SLC28A1: variants seen among roughly 807,000 people sequenced by gnomAD.
The protein encoded by SLC28A1 is sodium/nucleoside cotransporter 1.
In SLC28A1, 64 loss-of-function variants were observed where a neutral mutation model predicts 74.8. The observed-to-expected ratio is 0.86, with a 90% CI of 0.70 to 1.05. The LOEUF (loss-of-function observed/expected upper bound fraction) is 1.05. SLC28A1 is among the 50% of genes least tolerant of loss of function. The pLI is 0.00. For missense variants in SLC28A1, 828 were observed against 822.8 expected (o/e 1.01, Z -0.08); for synonymous variants, 359 against 335.0 (o/e 1.07, Z -0.78).
the SLC28A1 span, among the ~76,000 whole-genome samples, chr15:84,954,579 G>A: frequency 6.6e-6 from 1 of 152,088 alleles, no homozygotes; most frequent in Non-Finnish European, 1.5e-5. Context: ...TACCAACAAG[G>A]CAACTGAGAC....
chr15:84,897,131 C>G (rs1966086817), intron 6 of SLC28A1, among the ~76,000 whole-genome samples: 1 of 151,228 alleles, frequency 6.6e-6, no homozygotes, highest in African/African-American at 2.4e-5. Context: ...AATCCCAGCA[C>G]TTTGGGAGGC....
At chr15:84,889,330 C>T (rs1295227965) in intron 4 of SLC28A1, among the ~76,000 whole-genome samples, 3 of 152,330 alleles carry the variant, frequency 2.0e-5, no homozygotes, top group East Asian at 3.9e-4. Flanking sequence ...AGAACTCCAC[C>T]TCCTGATGCC....
chr15:84,911,657 T>A (rs1406904580), intron 9 of SLC28A1, among the ~76,000 whole-genome samples: 1 of 151,586 alleles, frequency 6.6e-6, no homozygotes, highest in African/African-American at 2.4e-5. Flanking sequence ...AGTTCAGGAG[T>A]TCGAGACCAG....
At chr15:84,918,053 T>A (rs1361725027) in intron 9 of SLC28A1, among the ~76,000 whole-genome samples, 1 of 152,042 alleles carries the variant, frequency 6.6e-6, no homozygotes, top group Admixed American at 6.6e-5. Context: ...AGCACCAAAA[T>A]GATGAGGGTC....
chr15:84,935,611 C>T, intron 15 of SLC28A1, 93 bp downstream of exon 15: 3 of 1,059,558 alleles, frequency 2.8e-6, no homozygotes, highest in Admixed American at 3.5e-5. Context: ...CTCCCTGGGC[C>T]TGGCTGAGAC....
At chr15:84,943,242 G>C (rs1038863454) in intron 15 of SLC28A1, among the ~76,000 whole-genome samples, 1 of 152,096 alleles carries the variant, frequency 6.6e-6, no homozygotes, top group South Asian at 2.1e-4. Context: ...AGATAAGAGA[G>C]GGGGGCTATG....
chr15:84,962,090 TTA>T, the SLC28A1 span, among the ~76,000 whole-genome samples: 1 of 152,130 alleles, frequency 6.6e-6, no homozygotes, highest in African/African-American at 2.4e-5. Context: ...TTAATTATTT[TTA>T]GAGACAGGGT....
downstream of SLC28A1, among the ~76,000 whole-genome samples, chr15:84,946,788 G>A (rs1012122712): frequency 2.6e-5 from 4 of 152,096 alleles, no homozygotes; most frequent in East Asian, 7.8e-4. Flanking sequence ...TCCCTCCCCT[G>A]CCTTCATTTC....
chr15:84,954,073 G>A, the SLC28A1 span, among the ~76,000 whole-genome samples: 1 of 152,202 alleles, frequency 6.6e-6, no homozygotes, highest in African/African-American at 2.4e-5. Flanking sequence ...AAAATCATGG[G>A]TTCATATATT....
In SLC28A1 at chr15:84,935,066, G is replaced by A. The variant is rs763597859; in HGVS notation, c.1255G>A (p.Ala419Thr). 129 of 1,613,886 alleles carry A rather than the reference G, an allele frequency of 8.0e-5. 1 individual carries two copies. Among genetic ancestry groups the A allele is most frequent in the Non-Finnish European group, 1.0e-4 (118 of 1,179,880 alleles). The change falls in exon 14 of 19, where the codon GCC becomes ACC. Residue 419 changes from alanine to threonine, a missense_variant. By Grantham distance (58) the Ala-to-Thr change is moderately conservative. Transcript: ENST00000394573. The stretch of plus-strand genomic sequence containing the variant: ...CATAGAAGCAGCCAGCACTGGGGCC[G>A]CCATCTCCGTGAAGGTGGTCGCCAA... ...NLIEAASTGA[A>T]ISVKVVANIA...
chr15:84,919,283 C>CA (rs1969520011), intron 10 of SLC28A1, among the ~76,000 whole-genome samples: 1 of 152,214 alleles, frequency 6.6e-6, no homozygotes, highest in South Asian at 2.1e-4. Flanking sequence ...TAGCATTGGA[C>CA]AGCAACAGAT....
At chr15:84,885,373 C>G (rs73437980) in intron 1 of SLC28A1, among the ~76,000 whole-genome samples, 21,671 of 151,644 alleles carry the variant, frequency 0.14, 2,108 homozygotes, top group African/African-American at 0.28. Flanking sequence ...TATGAGAACA[C>G]TGTTACTGTG....
chr15:84,887,771 ACC>A lies in SLC28A1; in HGVS notation c.14_15del (p.Pro5LeufsTer22). The A allele has an allele frequency of 6.2e-7, 1 of 1,613,704 alleles. No individual in the cohort carries two copies. Among genetic ancestry groups the A allele is most frequent in the South Asian group, 1.1e-5 (1 of 91,050 alleles). Reference sequence around the variant, plus strand: ...TGGAAGGTCTGGGACATGGAGAACGACCCCTCGAGACGAAGAGAGTCCATCTC... The same window carrying A: ...TGGAAGGTCTGGGACATGGAGAACGACCTCGAGACGAAGAGAGTCCATCTC... On this transcript the variant is annotated frameshift_variant, in exon 3 of 19. Transcript: ENST00000394573. LOFTEE classifies it high-confidence loss of function.
At chr15:84,963,497 G>A in the SLC28A1 span, among the ~76,000 whole-genome samples, 3 of 152,198 alleles carry the variant, frequency 2.0e-5, no homozygotes, top group African/African-American at 7.2e-5. Context: ...ATAGCGAGTG[G>A]TGGACACGTG....
chr15:84,906,621 C>T (rs1254381727), intron 8 of SLC28A1, among the ~76,000 whole-genome samples: 2 of 132,550 alleles, frequency 1.5e-5, no homozygotes, highest in Non-Finnish European at 1.7e-5. Flanking sequence ...TTCCTTCCTT[C>T]CTTCCCTCCT....
At chr15:84,918,277 G>T (rs1243725236) in intron 9 of SLC28A1, among the ~76,000 whole-genome samples, 1 of 152,126 alleles carries the variant, frequency 6.6e-6, no homozygotes, top group Non-Finnish European at 1.5e-5. Flanking sequence ...CTGAGGAGAG[G>T]GGGTGGTCTG....
chr15:84,966,612 A>G, the SLC28A1 span, among the ~76,000 whole-genome samples: 3 of 152,246 alleles, frequency 2.0e-5, no homozygotes, highest in Non-Finnish European at 2.9e-5. Flanking sequence ...AGAGGTTTAA[A>G]GGATTTACAG....
intron 3 of SLC28A1, 42 bp downstream of exon 3, chr15:84,887,898 C>G (rs368789222): frequency 1.4e-6 from 2 of 1,474,490 alleles, no homozygotes; most frequent in Admixed American, 3.3e-5. Context: ...CCCTCAGCCT[C>G]TTTGGCTTGA....
chr15:84,971,868 C>T, the SLC28A1 span, among the ~76,000 whole-genome samples: 6 of 152,238 alleles, frequency 3.9e-5, 1 homozygote, highest in Admixed American at 2.0e-4. Context: ...AGGCTGGTGT[C>T]GAACTTCTGG....
Sources: allele counts gnomAD v4.1 joint callset (sites outside exome capture counted in the v4.1 genomes callset), GRCh38; gene constraint gnomAD v4.1.1; transcripts MANE v1.5; gene names NCBI Gene and HGNC (gene_info 2026-07-23, HGNC 2026-07-21).